The following SERPINB6 variants were observed in gnomAD, a reference collection of about 807,000 sequenced individuals.
SERPINB6 encodes serpin B6.
SERPINB6 carries 16 observed loss-of-function variants against 26.1 expected under a neutral mutation model. That is an observed-to-expected ratio of 0.61 (90% confidence interval 0.42 to 0.93). SERPINB6 has a LOEUF of 0.93. Ranked by LOEUF, SERPINB6 falls within the 40% of genes least tolerant of loss-of-function variation. The probability of loss-of-function intolerance (pLI) is 0.00; values close to 1 mark genes in which losing one functional copy is unlikely to be tolerated. For missense variants in SERPINB6, 420 were observed against 478.0 expected, an observed-to-expected ratio of 0.88 and a Z score of 1.13; for synonymous variants, 174 against 176.6, an observed-to-expected ratio of 0.99 and a Z score of 0.11.
chr6:2,952,315 A>G (rs1769903248), intron 5 of SERPINB6, among the ~76,000 whole-genome samples: 1 of 152,230 alleles, frequency 6.6e-6, no homozygotes, highest in South Asian at 2.1e-4. Flanking sequence ...AGATCTAACT[A>G]TGGTCAATGA....
chr6:2,948,684 T>A lies in SERPINB6; in HGVS notation c.745A>T (p.Thr249Ser), dbSNP rs780927320. 4 of 1,614,174 alleles carry A rather than the reference T, an allele frequency of 2.5e-6. No individual in the cohort carries two copies. The East Asian group carries it at 8.9e-5, about 36-fold the overall frequency. The change falls in exon 7 of 7, where the codon ACT becomes TCT. Residue 249 changes from threonine (T) to serine (S), a missense_variant. Thr to Ser is a moderately conservative substitution (Grantham distance 58). Coordinates refer to ENST00000380539, the MANE Select transcript of SERPINB6 (RefSeq NM_004568.6). The surrounding 1 kb of genome is among the most constrained non-coding windows in gnomAD (Gnocchi z 5.0). ...GTCCATTCTACGAACTTCTCGTAAG[T>A]GAGTTCTTTCTCCACCTAGAGGGAG... ...TDLRTVEKEL[T>S]YEKFVEWTRL... is the part of the protein sequence containing the mutation.
At chr6:2,969,992 A>G (rs1010597995) in intron 1 of SERPINB6, 17 of 865,892 alleles carry the variant, frequency 2.0e-5, no homozygotes, top group Admixed American at 6.3e-5. Flanking sequence ...AAAATTAGCC[A>G]GGTATGGAGC....
At chr6:2,961,742 T>A (rs1581264163) in intron 1 of SERPINB6, among the ~76,000 whole-genome samples, 1 of 150,046 alleles carries the variant, frequency 6.7e-6, no homozygotes, top group Middle Eastern at 3.4e-3. Context: ...GGCTGCCAGG[T>A]GAGATGGCTC....
chr6:2,953,301 A>G (rs1770037565), intron 4 of SERPINB6, 115 bp from the exon 5 acceptor site: 2 of 1,369,360 alleles, frequency 1.5e-6, no homozygotes, highest in African/African-American at 1.4e-5. Context: ...AGAGAGTTCC[A>G]CTGTCCCCCA....
chr6:2,969,578 G>A (rs886633402), intron 1 of SERPINB6: 2 of 985,004 alleles, frequency 2.0e-6, no homozygotes, highest in South Asian at 4.7e-5. Context: ...ACCAGTAACT[G>A]AGCAATGTTC....
At chr6:2,959,074 A>C in intron 2 of SERPINB6, 94 bp downstream of exon 2, 1 of 1,516,888 alleles carries the variant, frequency 6.6e-7, no homozygotes, top group Non-Finnish European at 9.1e-7. Context: ...AATACTGCAC[A>C]GTCATCCGTC....
intron 1 of SERPINB6, chr6:2,968,326 G>C: frequency 4.6e-6 from 1 of 219,738 alleles, no homozygotes; most frequent in Non-Finnish European, 7.7e-6. Flanking sequence ...GTGGGAGGAG[G>C]GAGAGGAAAA....
At chr6:2,952,945 C>T in intron 5 of SERPINB6, 99 bp downstream of exon 5, 1 of 1,546,844 alleles carries the variant, frequency 6.5e-7, no homozygotes, top group East Asian at 2.2e-5. Context: ...GCAGGAGGGG[C>T]AGGGACAGAA....
chr6:2,970,724 CAAAAAA>C lies in SERPINB6; in HGVS notation c.-11+803_-11+808del, dbSNP rs70995402. 1,050 of 1,070,874 alleles carry C rather than the reference CAAAAAA, an allele frequency of 9.8e-4. No individual in the cohort carries two copies. The East Asian group carries it at 0.014, about 15-fold the overall frequency. The allele number at this position is 1,070,874 out of a possible 1,614,324, so 66.3% of individuals were successfully genotyped here. On this transcript the variant is annotated intron_variant, in intron 1 of 6. Coordinates refer to ENST00000380539, the MANE Select transcript of SERPINB6 (RefSeq NM_004568.6). The stretch of plus-strand genomic sequence containing the variant: ...AGTTTTCCGAAGCCAATCTTTAGGA[CAAAAAA>C]AAAAAAAAAAAAAAGGAAGAAAATA...
rs560777909 is a variant in SERPINB6, at chr6:2,968,294, A to T, written c.-11+3239T>A. 4 of 163,722 alleles carry T rather than the reference A, an allele frequency of 2.4e-5. No homozygotes were observed. In the East Asian group the frequency reaches 7.7e-4, roughly 31 times the overall value. The allele number at this position is 163,722 out of a possible 1,614,324, so 10.1% of individuals were successfully genotyped here. On this transcript the variant is annotated intron_variant, in intron 1 of 6. Coordinates refer to ENST00000380539, the MANE Select transcript of SERPINB6 (RefSeq NM_004568.6). ...AGGGGAGCAACAAACACTGGGTCCT[A>T]TCAGAGGGTGGAGGGTGAAGGGTGG...
chr6:2,960,815 C>A (rs917296625), intron 1 of SERPINB6: 17 of 152,260 alleles, frequency 1.1e-4, no homozygotes, highest in Non-Finnish European at 1.3e-4. Context: ...GACTGTGCAG[C>A]ACGATTAGAT....
rs1402656047 is a variant in SERPINB6, at chr6:2,955,540, G to A, written c.296C>T (p.Ser99Phe). ...ATGACTTACTGAGAGGAAATCACAA[G>A]ACTTTTCCCCAAAGAGCCTGTTGGC... Reference protein sequence around the residue: ...RMANRLFGEKSCDFLSSFRDS... With the variant: ...RMANRLFGEKFCDFLSSFRDS... Residue 99 changes from serine (S) to phenylalanine (F), a missense_variant, in exon 3 of 7, where the codon TCT becomes TTT. Coordinates refer to ENST00000380539, the MANE Select transcript of SERPINB6 (RefSeq NM_004568.6). 1.2e-6 allele frequency: 2 copies of A among 1,614,066 alleles called. No homozygotes were observed. Among genetic ancestry groups the A allele is most frequent in the East Asian group, 4.5e-5 (2 of 44,888 alleles).
At chr6:2,955,008 G>A (rs1344899848) in intron 3 of SERPINB6, 3 of 356,514 alleles carry the variant, frequency 8.4e-6, no homozygotes, top group African/African-American at 6.3e-5. Context: ...TGGCCAACAT[G>A]GCGAAAGCCC....
In SERPINB6 at chr6:2,948,294, G is replaced by A. The variant is rs1769330280; in HGVS notation, c.*4C>T. ...AGGGGCTGCACACCAAGACTGCCCT[G>A]TCCTCACGGAGAGGAAAAGCGGCCG... On this transcript the variant is annotated 3_prime_UTR_variant, in exon 7 of 7. Transcript: ENST00000380539. This position sits in a 1 kb window ranked among gnomAD's most constrained non-coding sequence, Gnocchi z 5.0. The A allele has an allele frequency of 6.2e-7, 1 of 1,613,280 alleles. No homozygotes were observed. The highest frequency in any genetic ancestry group is 1.7e-5 in the Admixed American group (1 of 60,014).
At chr6:2,970,901 G>A (rs1581291129) in intron 1 of SERPINB6, 1 of 1,230,508 alleles carries the variant, frequency 8.1e-7, no homozygotes, top group Non-Finnish European at 1.0e-6. Flanking sequence ...ACAGGTCTGG[G>A]CGACCTGAAA....
chr6:2,961,419 C>T (rs1317463780), intron 1 of SERPINB6: 2 of 152,020 alleles, frequency 1.3e-5, no homozygotes, highest in Non-Finnish European at 2.9e-5. Context: ...TCCGCAGAGC[C>T]CTGGGAACAC....
At chr6:2,955,051 A>T (rs1770272114) in intron 3 of SERPINB6, 1 of 309,692 alleles carries the variant, frequency 3.2e-6, no homozygotes, top group South Asian at 3.2e-5. Flanking sequence ...TTAGCCATGT[A>T]TGGTGGCATG....
Position 2,967,279 on chromosome 6 carries a change from A to G in SERPINB6, c.-11+4254T>C. On this transcript the variant is annotated intron_variant, in intron 1 of 6. Transcript: ENST00000380539. The surrounding 1 kb of genome is among the most constrained non-coding windows in gnomAD (Gnocchi z 4.3). ...GACCCCTTCCTTACATACACCATGT[A>G]CAAAAATCAACTCAAGATGGATTAA... The G allele has an allele frequency of 1.1e-6, 1 of 942,846 alleles. No individual in the cohort carries two copies. Among genetic ancestry groups the G allele is most frequent in the Middle Eastern group, 5.4e-4 (1 of 1,838 alleles). 58.4% of individuals were successfully genotyped at this position (942,846 alleles called of 1,614,324 possible). A position where few individuals can be genotyped will look rare whatever the true frequency, so the allele number is the denominator to read the frequency against.
In SERPINB6 at chr6:2,967,580, C is replaced by T. The variant is rs1223668710; in HGVS notation, c.-11+3953G>A. ...TCAAATATCCAGCATCTATATGGAA[C>T]TTAAACAAATTTACAAGAAGAAAAC... On this transcript the variant is annotated intron_variant, in intron 1 of 6. Transcript: ENST00000380539. The surrounding 1 kb of genome is among the most constrained non-coding windows in gnomAD (Gnocchi z 4.3). 1 of 151,488 alleles carries T rather than the reference C, an allele frequency of 6.6e-6. No individual in the cohort carries two copies. The highest frequency in any genetic ancestry group is 2.4e-5 in the African/African-American group (1 of 41,258). The allele number at this position is 151,488 out of a possible 1,614,324, so 9.4% of individuals were successfully genotyped here.
Sources: allele counts gnomAD v4.1 joint callset (sites outside exome capture counted in the v4.1 genomes callset), GRCh38; gene constraint gnomAD v4.1.1; non-coding constraint Gnocchi (gnomAD v3.1); transcripts MANE v1.5; gene names NCBI Gene and HGNC (gene_info 2026-07-23, HGNC 2026-07-21).